Variants in ATP8A2 observed in about 807,000 individuals in gnomAD.
The protein encoded by ATP8A2 is ATPase phospholipid transporting 8A2, also known as phospholipid-transporting ATPase IB.
In ATP8A2, 100 loss-of-function variants were observed where a neutral mutation model predicts 165.6. The ratio of observed to expected loss-of-function variants is 0.60; its 90% confidence interval spans 0.51 to 0.71. The LOEUF (loss-of-function observed/expected upper bound fraction) is 0.71. ATP8A2 is among the 30% of genes least tolerant of loss of function. The pLI is 0.00. For missense variants in ATP8A2, 1,227 were observed against 1,479.5 expected, an observed-to-expected ratio of 0.83 and a Z score of 2.80; for synonymous variants, 543 against 548.8, an observed-to-expected ratio of 0.99 and a Z score of 0.15.
chr13:25,556,926 G>T (rs934698105), intron 13 of ATP8A2, among the ~76,000 whole-genome samples: 12 of 152,266 alleles, frequency 7.9e-5, no homozygotes, highest in Middle Eastern at 6.8e-3. Flanking sequence ...AAATGCAGGC[G>T]ACATGGCTCA....
intron 35 of ATP8A2, among the ~76,000 whole-genome samples, chr13:25,982,254 C>G (rs1415410447): frequency 6.6e-6 from 1 of 152,198 alleles, no homozygotes; most frequent in Non-Finnish European, 1.5e-5. Flanking sequence ...GGCTTATTGT[C>G]TAAGCTATCA....
At chr13:25,543,496 A>G in intron 10 of ATP8A2, 94 bp downstream of exon 10, 1 of 783,900 alleles carries the variant, frequency 1.3e-6, no homozygotes, top group Non-Finnish European at 2.1e-6. Flanking sequence ...TAGGAAGTTC[A>G]AATTTGTCTA....
intron 24 of ATP8A2, among the ~76,000 whole-genome samples, chr13:25,623,075 A>G (rs776443665): frequency 1.3e-5 from 2 of 152,236 alleles, no homozygotes; most frequent in Non-Finnish European, 2.9e-5. Flanking sequence ...TTCAAAAGAA[A>G]TTGAATTTCA....
At chr13:25,759,744 A>C (rs2044341920) in intron 25 of ATP8A2, among the ~76,000 whole-genome samples, 1 of 152,182 alleles carries the variant, frequency 6.6e-6, no homozygotes, top group African/African-American at 2.4e-5. Flanking sequence ...TTTTCAGTCT[A>C]GTACAGGAAG....
chr13:25,539,988 C>G (rs2038417685), intron 7 of ATP8A2, among the ~76,000 whole-genome samples: 1 of 152,206 alleles, frequency 6.6e-6, no homozygotes, highest in African/African-American at 2.4e-5. Context: ...GAAGGATTGC[C>G]TGAACCCAGT....
intron 23 of ATP8A2, among the ~76,000 whole-genome samples, chr13:25,585,794 C>G (rs182177343): frequency 6.6e-6 from 1 of 152,244 alleles, no homozygotes; most frequent in African/African-American, 2.4e-5. Context: ...GGTGACAACA[C>G]TGGTGATGTT....
intron 33 of ATP8A2, among the ~76,000 whole-genome samples, chr13:25,940,463 C>T (rs530716271): frequency 6.6e-6 from 1 of 152,340 alleles, no homozygotes; most frequent in African/African-American, 2.4e-5. Flanking sequence ...CTTCCTGCTG[C>T]CTTCCCGTCC....
intron 24 of ATP8A2, among the ~76,000 whole-genome samples, chr13:25,630,047 C>T (rs1053852464): frequency 2.0e-5 from 3 of 149,650 alleles, no homozygotes; most frequent in Non-Finnish European, 3.0e-5. Flanking sequence ...GACATGCACA[C>T]CACTCTCATG....
chr13:25,715,968 C>T (rs1179247130), intron 25 of ATP8A2, among the ~76,000 whole-genome samples: 2 of 152,164 alleles, frequency 1.3e-5, no homozygotes, highest in East Asian at 3.9e-4. Flanking sequence ...GGTCCCAGTT[C>T]CACCACATCC....
intron 33 of ATP8A2, among the ~76,000 whole-genome samples, chr13:25,873,463 A>T (rs1405584593): frequency 6.6e-6 from 1 of 152,164 alleles, no homozygotes; most frequent in African/African-American, 2.4e-5. Flanking sequence ...AAAATAGGTT[A>T]GGTCTGTTCC....
chr13:25,397,614 T>C (rs945733828), intron 1 of ATP8A2, among the ~76,000 whole-genome samples: 13 of 152,154 alleles, frequency 8.5e-5, no homozygotes, highest in African/African-American at 2.7e-4. Flanking sequence ...CATTATGCTT[T>C]GTTGAGGAAA....
chr13:25,722,533 C>G (rs2043403647), intron 25 of ATP8A2, among the ~76,000 whole-genome samples: 1 of 152,128 alleles, frequency 6.6e-6, no homozygotes, highest in Non-Finnish European at 1.5e-5. Context: ...CCTGTACATG[C>G]TATGTATTTT....
At chr13:25,594,976 G>GTA (rs2040195122) in intron 24 of ATP8A2, among the ~76,000 whole-genome samples, 1 of 87,460 alleles carries the variant, frequency 1.1e-5, no homozygotes, top group Non-Finnish European at 2.5e-5. Flanking sequence ...ACTGTGGTGT[G>GTA]TGTGTGTGTA....
In ATP8A2 at chr13:25,837,272, G is replaced by T. The variant is rs745359979; in HGVS notation, c.2864G>T (p.Gly955Val). 4 of 1,614,112 alleles carry T rather than the reference G, an allele frequency of 2.5e-6. No individual in the cohort carries two copies. The highest frequency in any genetic ancestry group is 2.2e-5 in the East Asian group (1 of 44,878). ...TACAAAATCACCCAGAATGGCGAAG[G>T]CTTCAACACAAAGGTAAACAGAGTG... ...QLYKITQNGE[G>V]FNTKVFWGHC... Residue 955 changes from glycine (G) to valine (V), a missense_variant, in exon 29 of 37, where the codon GGC becomes GTC. This residue lies in a region of ATP8A2 where 592 missense variants were observed against 785.6 expected (regional missense o/e 0.75). Transcript: ENST00000381655.
intron 35 of ATP8A2, among the ~76,000 whole-genome samples, chr13:25,978,894 C>T (rs1189685258): frequency 6.6e-6 from 1 of 151,932 alleles, no homozygotes. Flanking sequence ...GAGCCGAGAT[C>T]GCGCCACTGC....
chr13:25,831,220 T>TC (rs1951459448), intron 28 of ATP8A2, among the ~76,000 whole-genome samples: 1 of 150,164 alleles, frequency 6.7e-6, no homozygotes, highest in South Asian at 2.1e-4. Flanking sequence ...AATTTTCTTT[T>TC]TTTTTTTTTT....
intron 2 of ATP8A2, among the ~76,000 whole-genome samples, chr13:25,518,554 G>A (rs1051898309): frequency 5.3e-5 from 8 of 151,792 alleles, no homozygotes; most frequent in Non-Finnish European, 2.9e-5. Flanking sequence ...TCTGTTTCTG[G>A]AGGCTTGCTT....
rs143085418 is a variant in ATP8A2 at position 25,585,163 on chromosome 13, T to C, written c.2146+3206T>C. Among the ~76,000 whole-genome samples the C allele has an allele frequency of 4.1e-4, 62 of 152,336 alleles. No individual in the cohort carries two copies. In the East Asian group the frequency reaches 7.7e-3, roughly 19 times the overall value. ...TGTATAGGTTTTAGTAGTTTGAAAT[T>C]GGCATGTTGCCAGAATCCTGCAACA... is the stretch of plus-strand genomic sequence containing the variant. On this transcript the variant is annotated intron_variant, in intron 23 of 36. Transcript: ENST00000381655.
At chr13:25,753,420 C>T (rs2044196185) in intron 25 of ATP8A2, among the ~76,000 whole-genome samples, 1 of 152,206 alleles carries the variant, frequency 6.6e-6, no homozygotes, top group Admixed American at 6.5e-5. Flanking sequence ...TTGTTGCATA[C>T]AGTCCTCTGT....
Sources: allele counts gnomAD v4.1 joint callset (sites outside exome capture counted in the v4.1 genomes callset), GRCh38; gene constraint gnomAD v4.1.1; regional missense constraint gnomAD v4.1.1; transcripts MANE v1.5; gene names NCBI Gene and HGNC (gene_info 2026-07-23, HGNC 2026-07-21).